Variants in SLC44A2 observed in about 807,000 individuals in gnomAD.
The protein encoded by SLC44A2 is choline transporter-like protein 2.
SLC44A2 carries 57 observed loss-of-function variants against 90.8 expected under a neutral mutation model. The observed-to-expected ratio is 0.63, with a 90% CI of 0.51 to 0.78. The LOEUF (loss-of-function observed/expected upper bound fraction) is 0.78, where lower values mean the gene tolerates loss of function less well. SLC44A2 is among the 30% of genes least tolerant of loss of function. SLC44A2 has a pLI of 0.00. For missense variants in SLC44A2, 794 were observed against 919.7 expected (o/e 0.86, Z 1.77); for synonymous variants, 355 against 360.7 (o/e 0.98, Z 0.18).
chr19:10,633,233 C>T (rs1479537207), intron 10 of SLC44A2, among the ~76,000 whole-genome samples: 2 of 151,902 alleles, frequency 1.3e-5, no homozygotes, highest in Non-Finnish European at 2.9e-5. Flanking sequence ...GGTGCAGTCT[C>T]GGCTCACTGC....
At position 10,631,532 on chromosome 19, in the gene SLC44A2, C is replaced by T; in HGVS notation, c.499C>T (p.Pro167Ser). The change falls in exon 7 of 22, where the codon CCC becomes TCC. Residue 167 changes from proline (P) to serine (S), a missense_variant. Physicochemically the swap from Pro to Ser is moderately conservative, Grantham distance 74. Transcript: ENST00000335757. ...CCCTGCTGTCCTCATCCCCAGCAAA[C>T]CCTGTGAGTCAGGGGATCCCAGGAG... ...DCPAVLIPSK[P>S]LARRCFPAIH... is the part of the protein sequence containing the mutation. 3 of 1,614,052 alleles carry T rather than the reference C, an allele frequency of 1.9e-6. No homozygotes were observed. Among genetic ancestry groups the T allele is most frequent in the Non-Finnish European group, 2.5e-6 (3 of 1,180,032 alleles).
chr19:10,623,275 C>A (rs1178190019), upstream of SLC44A2, among the ~76,000 whole-genome samples: 1 of 152,010 alleles, frequency 6.6e-6, no homozygotes, highest in Non-Finnish European at 1.5e-5. Flanking sequence ...TTAGACAGGG[C>A]CCCTCTGCTG....
At chr19:10,627,888 C>A in intron 3 of SLC44A2, 32 bp from the exon 4 acceptor site, 1 of 1,611,438 alleles carries the variant, frequency 6.2e-7, no homozygotes, top group Non-Finnish European at 8.5e-7. Flanking sequence ...TGAGGAGTGG[C>A]AGTGTCTCAG....
Position 10,631,323 on chromosome 19 carries a change from C to A in SLC44A2, c.379C>A (p.Arg127Ser). 1 of 1,614,158 alleles carries A rather than the reference C, an allele frequency of 6.2e-7. No individual in the cohort carries two copies. The highest frequency in any genetic ancestry group is 8.5e-7 in the Non-Finnish European group (1 of 1,180,034). Residue 127 changes from arginine (R) to serine (S), a missense_variant, in exon 6 of 22, where the codon CGC becomes AGC. By Grantham distance (110) the Arg-to-Ser change is moderately radical. Transcript: ENST00000335757. Reference protein sequence around the residue: ...PDRYLTYLNARSSRDFEYYKQ... With the variant: ...PDRYLTYLNASSSRDFEYYKQ... ...CCGCTACCTCACGTACCTGAATGCT[C>A]GCAGCTCCCGGGACTTTGAGTACTA...
Position 10,634,978 on chromosome 19 carries a change from C to G in SLC44A2, c.960C>G (p.Ile320Met), listed in dbSNP as rs754148624. Reference protein sequence around the residue: ...HLRQTWLAFMIILSILEVIII... With the variant: ...HLRQTWLAFMMILSILEVIII... ...CTCAGCCTTTGCCCTTTGCAGTGAT[C>G]ATTCTGAGTATCCTTGAAGTCATTA... The change falls in exon 12 of 22, where the codon ATC (isoleucine) becomes ATG (methionine). Residue 320 changes from isoleucine (I) to methionine (M), a missense_variant. Around this residue, in one of 3 missense-constraint regions of SLC44A2, gnomAD observed 738 missense variants for 841.1 expected, o/e 0.88. Coordinates refer to ENST00000335757, the MANE Select transcript of SLC44A2 (RefSeq NM_020428.4). 1 of 1,614,136 alleles carries G rather than the reference C, an allele frequency of 6.2e-7. No individual in the cohort carries two copies. Among genetic ancestry groups the G allele is most frequent in the East Asian group, 2.2e-5 (1 of 44,880 alleles).
At chr19:10,636,073 G>A (rs772866139) in intron 14 of SLC44A2, 9 of 509,962 alleles carry the variant, frequency 1.8e-5, no homozygotes, top group Admixed American at 7.6e-5. Flanking sequence ...CACCTCGCCC[G>A]GCCCATTTTT....
chr19:10,608,776 A>G (rs1918192672), intron 1 of SLC44A2, among the ~76,000 whole-genome samples: 2 of 151,656 alleles, frequency 1.3e-5, no homozygotes, highest in Admixed American at 1.3e-4. Flanking sequence ...CAGCCTCCCA[A>G]GGACCTGGGA....
intron 4 of SLC44A2, among the ~76,000 whole-genome samples, chr19:10,629,596 T>C (rs774213839): frequency 6.6e-6 from 1 of 151,068 alleles, no homozygotes; most frequent in Admixed American, 6.6e-5. Context: ...TTATTACTAT[T>C]ATTATTATTT....
At chr19:10,615,629 A>G (rs923433621) in intron 1 of SLC44A2, among the ~76,000 whole-genome samples, 1 of 151,378 alleles carries the variant, frequency 6.6e-6, no homozygotes, top group Non-Finnish European at 1.5e-5. Context: ...GAGGAAGAGG[A>G]AGGGGAGGGG....
chr19:10,610,498 AT>A (rs1296615028), intron 1 of SLC44A2, among the ~76,000 whole-genome samples: 1 of 146,312 alleles, frequency 6.8e-6, no homozygotes, highest in African/African-American at 2.5e-5. Context: ...TGCCCGGCTG[AT>A]TTTTTTGTAT....
intron 8 of SLC44A2, 44 bp downstream of exon 8, chr19:10,631,793 T>A (rs2066998586): frequency 1.3e-5 from 21 of 1,613,910 alleles, no homozygotes; most frequent in Non-Finnish European, 1.6e-5. Context: ...CTTTGCTGGG[T>A]GGGACAGGCA....
intron 1 of SLC44A2, chr19:10,602,604 G>T (rs775581365): frequency 2.0e-5 from 25 of 1,249,058 alleles, no homozygotes; most frequent in Admixed American, 4.2e-5. Context: ...GCTGACCTGC[G>T]GGTGGGAGGA....
rs188956220 is a variant in SLC44A2 at position 10,634,982 on chromosome 19, C to T, written c.964C>T (p.Leu322=). The change falls in exon 12 of 22, where the codon CTG becomes TTG. Residue 322 remains leucine, a synonymous_variant. Coordinates refer to ENST00000335757, the MANE Select transcript of SLC44A2 (RefSeq NM_020428.4). ...RQTWLAFMII[L]SILEVIIILL... is the part of the protein sequence containing the mutation. ...GCCTTTGCCCTTTGCAGTGATCATT[C>T]TGAGTATCCTTGAAGTCATTATCAT... The T allele has an allele frequency of 1.2e-6, 2 of 1,614,184 alleles. No individual in the cohort carries two copies. The highest frequency in any genetic ancestry group is 1.7e-6 in the Non-Finnish European group (2 of 1,180,038).
chr19:10,610,678 T>C (rs1918273602), intron 1 of SLC44A2, among the ~76,000 whole-genome samples: 2 of 105,668 alleles, frequency 1.9e-5, no homozygotes, highest in Non-Finnish European at 1.9e-5. Context: ...TCACTCTTGT[T>C]GCCCAGGCTG....
Position 10,636,513 on chromosome 19 carries a change from A to C in SLC44A2, c.1424A>C (p.Tyr475Ser), listed in dbSNP as rs2067056460. The C allele has an allele frequency of 4.3e-6, 7 of 1,611,720 alleles. No homozygotes were observed. Among genetic ancestry groups the C allele is most frequent in the Non-Finnish European group, 5.9e-6 (7 of 1,179,950 alleles). ...ACGCTGGCCGGGGCCTTTGCCTCCT[A>C]CTACTGGGCCCTGCGCAAGCCGGAC... ...QVTLAGAFASYYWALRKPDDL... is the reference protein window; with the variant it reads ...QVTLAGAFASSYWALRKPDDL... Residue 475 changes from tyrosine to serine, a missense_variant, in exon 15 of 22, where the codon TAC becomes TCC. Around this residue, in one of 3 missense-constraint regions of SLC44A2, gnomAD observed 738 missense variants for 841.1 expected, o/e 0.88. Coordinates refer to ENST00000335757, the MANE Select transcript of SLC44A2 (RefSeq NM_020428.4).
intron 1 of SLC44A2, among the ~76,000 whole-genome samples, chr19:10,620,299 A>G (rs1382190864): frequency 6.6e-6 from 1 of 151,986 alleles, no homozygotes; most frequent in African/African-American, 2.4e-5. Flanking sequence ...TAGCAAACAT[A>G]GTGAAACCCC....
chr19:10,635,684 G>A (rs200395807), intron 14 of SLC44A2, 169 bp downstream of exon 14: 17 of 598,312 alleles, frequency 2.8e-5, no homozygotes, highest in East Asian at 1.8e-4. Flanking sequence ...TAACTGGATC[G>A]AACAACTTCC....
chr19:10,629,381 G>A (rs2066969392), intron 4 of SLC44A2, among the ~76,000 whole-genome samples: 1 of 150,384 alleles, frequency 6.6e-6, no homozygotes, highest in Non-Finnish European at 1.5e-5. Flanking sequence ...GGGTTCAAGC[G>A]GTTCTCCTGC....
intron 16 of SLC44A2, chr19:10,637,093 C>T (rs570398641): frequency 1.4e-4 from 36 of 252,520 alleles, no homozygotes; most frequent in African/African-American, 7.7e-4. Flanking sequence ...CCGTGACTCA[C>T]GCCTGTAATC....
Sources: allele counts gnomAD v4.1 joint callset (sites outside exome capture counted in the v4.1 genomes callset), GRCh38; gene constraint gnomAD v4.1.1; regional missense constraint gnomAD v4.1.1; transcripts MANE v1.5; gene names NCBI Gene and HGNC (gene_info 2026-07-23, HGNC 2026-07-21).